PCDH15: variants seen among roughly 807,000 people sequenced by gnomAD.
PCDH15 encodes the protein protocadherin-15.
In PCDH15, 129 loss-of-function variants were observed where a neutral mutation model predicts 178.5. The observed-to-expected ratio is 0.72, with a 90% CI of 0.63 to 0.84. PCDH15 has a LOEUF of 0.84. Among genes scored for constraint, PCDH15 ranks in the 40% least tolerant of loss-of-function variants. PCDH15 has a pLI of 0.00. For synonymous variants in PCDH15, 800 were observed against 732.0 expected (o/e 1.09, Z -1.50); for missense variants, 2,230 against 2,099.9 (o/e 1.06, Z -1.21).
chr10:54,862,934 ACAT>A (rs1393237168), intron 3 of PCDH15, among the ~76,000 whole-genome samples: 1 of 152,162 alleles, frequency 6.6e-6, no homozygotes, highest in Non-Finnish European at 1.5e-5. Context: ...ATTAACAGAG[ACAT>A]CAGCCATTTT....
chr10:53,806,976 C>A lies in PCDH15; in HGVS notation c.4826G>T (p.Gly1609Val), dbSNP rs1841214416. Residue 1609 changes from glycine to valine, a missense_variant, in exon 38 of 38, where the codon GGT becomes GTT. Gly to Val is a moderately radical substitution (Grantham distance 109). Coordinates refer to ENST00000644397, the MANE Select transcript of PCDH15 (RefSeq NM_001384140.1). ...GGCACGGCGGGTTCTCACCACAGAA[C>A]CATTCTGTGCAATATATATATTGCC... Reference protein sequence around the residue: ...INGNIYIAQNGSVVRTRRACL... With the variant: ...INGNIYIAQNVSVVRTRRACL... The A allele has an allele frequency of 1.2e-6, 2 of 1,613,612 alleles. No individual in the cohort carries two copies. The highest frequency in any genetic ancestry group is 1.1e-5 in the South Asian group (1 of 91,086).
intron 23 of PCDH15, among the ~76,000 whole-genome samples, chr10:53,942,316 T>A (rs1034486613): frequency 2.6e-5 from 4 of 152,150 alleles, no homozygotes; most frequent in African/African-American, 9.7e-5. Flanking sequence ...TTTGATAACA[T>A]CCAAATATTG....
intron 2 of PCDH15, among the ~76,000 whole-genome samples, chr10:55,398,843 T>C (rs1565098147): frequency 6.6e-6 from 1 of 152,026 alleles, no homozygotes; most frequent in Non-Finnish European, 1.5e-5. Flanking sequence ...TCAGTAAATA[T>C]TTGCTCAAAT....
chr10:53,810,996 C>A (rs182467053), intron 36 of PCDH15, among the ~76,000 whole-genome samples: 43 of 152,290 alleles, frequency 2.8e-4, no homozygotes, highest in Middle Eastern at 3.4e-3. Context: ...TACTTTGGAA[C>A]AGTGTAATGG....
At chr10:53,874,508 A>C (rs2080089370) in intron 26 of PCDH15, among the ~76,000 whole-genome samples, 1 of 152,136 alleles carries the variant, frequency 6.6e-6, no homozygotes, top group South Asian at 2.1e-4. Context: ...AAAGTCTAAT[A>C]GGCCTGATCT....
chr10:54,779,497 T>TATATATAC (rs1439922664), intron 1 of PCDH15, among the ~76,000 whole-genome samples: 2 of 139,972 alleles, frequency 1.4e-5, no homozygotes, highest in Non-Finnish European at 3.1e-5. Flanking sequence ...TGTATATATA[T>TATATATAC]ACACACATAT....
chr10:55,199,058 C>A (rs764603069), intron 1 of PCDH15, among the ~76,000 whole-genome samples: 7 of 151,964 alleles, frequency 4.6e-5, no homozygotes, highest in East Asian at 1.9e-4. Context: ...TATAAAGATG[C>A]CTGAAAAGGT....
intron 21 of PCDH15, among the ~76,000 whole-genome samples, chr10:53,987,974 T>C (rs983454956): frequency 7.2e-5 from 11 of 152,222 alleles, no homozygotes; most frequent in African/African-American, 2.4e-4. Flanking sequence ...TTTTCATTCT[T>C]AGAGAATGGA....
chr10:54,880,357 A>G (rs1206120813), intron 3 of PCDH15, among the ~76,000 whole-genome samples: 2 of 152,076 alleles, frequency 1.3e-5, no homozygotes, highest in African/African-American at 2.4e-5. Context: ...AGCAATTTTG[A>G]TGCCTCCCCA....
intron 2 of PCDH15, among the ~76,000 whole-genome samples, chr10:55,538,398 C>CCT (rs1841637261): frequency 1.4e-5 from 1 of 72,184 alleles, no homozygotes; most frequent in African/African-American, 5.8e-5. Context: ...TCCTTCCTTT[C>CCT]TTCCTTCCTT....
chr10:55,113,590 C>A (rs1312782766), intron 2 of PCDH15, among the ~76,000 whole-genome samples: 1 of 152,088 alleles, frequency 6.6e-6, no homozygotes, highest in Non-Finnish European at 1.5e-5. Context: ...AACTTTGAAA[C>A]TCTTTGTTTT....
At chr10:55,199,806 G>C (rs1840193627) in intron 1 of PCDH15, among the ~76,000 whole-genome samples, 1 of 152,120 alleles carries the variant, frequency 6.6e-6, no homozygotes. Flanking sequence ...CCAAGGTACA[G>C]CTCAGGCCAT....
intron 2 of PCDH15, among the ~76,000 whole-genome samples, chr10:55,159,345 CT>C (rs368412506): frequency 0.84 from 124,422 of 147,350 alleles, 53,551 homozygotes; most frequent in East Asian, 0.96. Context: ...ATTACCATAT[CT>C]ATCTATCTAT....
At chr10:55,543,401 A>G (rs1224330185) in intron 2 of PCDH15, among the ~76,000 whole-genome samples, 5 of 149,318 alleles carry the variant, frequency 3.3e-5, no homozygotes, top group Non-Finnish European at 7.4e-5. Flanking sequence ...ATGTATATAT[A>G]AAAATACTGT....
chr10:54,288,599 C>T lies in PCDH15; in HGVS notation c.876+28672G>A, dbSNP rs574155398. The stretch of plus-strand genomic sequence containing the variant: ...GAAGCACAAGGGGTCAAGGGATTTC[C>T]CTTTCCTAGCCAAGGGAAGATGTGA... On this transcript the variant is annotated intron_variant, in intron 8 of 37. Coordinates refer to ENST00000644397, the MANE Select transcript of PCDH15 (RefSeq NM_001384140.1). 4.6e-5 allele frequency among the ~76,000 whole-genome samples: 7 copies of T among 152,298 alleles called. No individual in the cohort carries two copies. The South Asian group carries it at 1.5e-3, about 32-fold the overall frequency.
chr10:54,773,873 T>C (rs1004904224), intron 1 of PCDH15, among the ~76,000 whole-genome samples: 1 of 152,062 alleles, frequency 6.6e-6, no homozygotes, highest in African/African-American at 2.4e-5. Flanking sequence ...ACAATAAAAA[T>C]GAACTGATTT....
intron 3 of PCDH15, among the ~76,000 whole-genome samples, chr10:54,433,067 T>C (rs1957139029): frequency 6.6e-6 from 1 of 151,992 alleles, no homozygotes; most frequent in Non-Finnish European, 1.5e-5. Flanking sequence ...AAACAGGCAC[T>C]AATGAATGCT....
intron 2 of PCDH15, among the ~76,000 whole-genome samples, chr10:55,519,485 C>G (rs1459842228): frequency 1.3e-5 from 2 of 152,046 alleles, no homozygotes; most frequent in African/African-American, 4.8e-5. Context: ...ATGGAATTGT[C>G]ATGCATCTTG....
In PCDH15 at chr10:54,554,617, T is replaced by C. The variant is rs1470818284; in HGVS notation, c.92-26740A>G. ...AATAGGTTGGACTTCCATCTCATTA[T>C]AAAAAGAGAAAGAATGAATCAATTT... is the stretch of plus-strand genomic sequence containing the variant. On this transcript the variant is annotated intron_variant, in intron 2 of 37. Transcript: ENST00000644397. 3.3e-5 allele frequency among the ~76,000 whole-genome samples: 5 copies of C among 152,210 alleles called. No individual in the cohort carries two copies. The South Asian group carries it at 1.0e-3, about 32-fold the overall frequency.
Sources: gnomAD v4.1 joint callset for allele counts (sites outside exome capture counted in the v4.1 genomes callset) on GRCh38, gnomAD v4.1.1 for gene constraint, MANE v1.5 for transcripts, NCBI Gene and HGNC (gene_info 2026-07-23, HGNC 2026-07-21) for gene names.